The following INPP5A variants were observed in gnomAD, a reference collection of about 807,000 sequenced individuals.
INPP5A encodes the protein 43 kDa inositol polyphosphate 5-phophatase.
In INPP5A, 14 loss-of-function variants were observed where a neutral mutation model predicts 65.2. That is an observed-to-expected ratio of 0.21 (90% CI 0.14 to 0.34). The LOEUF is 0.34. INPP5A is among the 10% of genes least tolerant of loss of function. The pLI is 1.00. For synonymous variants in INPP5A, 207 were observed against 208.3 expected (o/e 0.99, Z 0.05); for missense variants, 431 against 545.6 (o/e 0.79, Z 2.09).
chr10:132,697,901 G>T lies in INPP5A; in HGVS notation c.456G>T (p.Pro152=), dbSNP rs146475540. 1.6e-5 allele frequency: 25 copies of T among 1,610,994 alleles called. No homozygotes were observed. Among genetic ancestry groups the T allele is most frequent in the South Asian group, 3.3e-5 (3 of 90,950 alleles). Residue 152 remains proline (P), a synonymous_variant, in exon 6 of 16, where the codon CCG becomes CCT. Coordinates refer to ENST00000368594, the MANE Select transcript of INPP5A (RefSeq NM_005539.5). The surrounding 1 kb of genome is among the most constrained non-coding windows in gnomAD (Gnocchi z 5.6). The stretch of plus-strand genomic sequence containing the variant: ...CCATGCTGGAGAAGGAGAAGTTTCC[G>T]CAGGACTACTTCCCCGAGGTACGTA... ...STPMLEKEKF[P]QDYFPECKWS... is the part of the protein sequence containing the mutation.
At chr10:132,629,231 T>TG (rs1283165232) in intron 2 of INPP5A, among the ~76,000 whole-genome samples, 1 of 152,192 alleles carries the variant, frequency 6.6e-6, no homozygotes, top group African/African-American at 2.4e-5. Context: ...GCCTCAAACT[T>TG]GCTCTTGCCC....
In INPP5A at chr10:132,637,356, G is replaced by A. The variant is rs1049063781; in HGVS notation, c.118-8512G>A. ...ATAAGTGCGGGTCTTTTTCTGTTTT[G>A]AAGTTTTCCTGGGTTATAGTTTTAA... On this transcript the variant is annotated intron_variant, in intron 2 of 15. Transcript: ENST00000368594. The surrounding 1 kb of genome is among the most constrained non-coding windows in gnomAD (Gnocchi z 4.1). Among the ~76,000 whole-genome samples the A allele has an allele frequency of 6.6e-6, 1 of 152,046 alleles. No individual in the cohort carries two copies. The highest frequency in any genetic ancestry group is 6.6e-5 in the Admixed American group (1 of 15,254).
chr10:132,677,326 C>A (rs570635100), intron 4 of INPP5A, among the ~76,000 whole-genome samples: 1 of 152,396 alleles, frequency 6.6e-6, no homozygotes, highest in Non-Finnish European at 1.5e-5. Context: ...CCCCTCACCA[C>A]GCTGCCGTCT....
intron 12 of INPP5A, among the ~76,000 whole-genome samples, chr10:132,775,407 C>T (rs917104305): frequency 3.3e-5 from 5 of 152,080 alleles, no homozygotes; most frequent in Admixed American, 6.5e-5. Context: ...TGCTGGGCAG[C>T]GTCCAGGCCC....
chr10:132,680,985 C>T (rs546210054), intron 4 of INPP5A, among the ~76,000 whole-genome samples: 174 of 152,366 alleles, frequency 1.1e-3, no homozygotes, highest in African/African-American at 3.9e-3. Flanking sequence ...GAGCTCCGCC[C>T]CCTGCTCCAG....
At chr10:132,629,979 G>C (rs2072242977) in intron 2 of INPP5A, among the ~76,000 whole-genome samples, 1 of 151,932 alleles carries the variant, frequency 6.6e-6, no homozygotes, top group Admixed American at 6.6e-5. Context: ...CGTTCTTGAG[G>C]GAACGTCATC....
In INPP5A at chr10:132,546,592, C is replaced by T. The variant is rs1226392409; in HGVS notation, c.75+8421C>T. Among the ~76,000 whole-genome samples, 2 of 152,188 alleles carry T rather than the reference C, an allele frequency of 1.3e-5. No individual in the cohort carries two copies. The highest frequency in any genetic ancestry group is 2.9e-5 in the Non-Finnish European group (2 of 68,014). On this transcript the variant is annotated intron_variant, in intron 1 of 15. Coordinates refer to ENST00000368594, the MANE Select transcript of INPP5A (RefSeq NM_005539.5). This position sits in a 1 kb window ranked among gnomAD's most constrained non-coding sequence, Gnocchi z 5.7. ...GGGCTTAGTAGGGCTGCCTCGGCTG[C>T]TGGGGCAGCTTTCCCCGGCCCCTTC...
chr10:132,779,497 CT>C (rs1210269814), intron 13 of INPP5A, among the ~76,000 whole-genome samples: 6 of 152,276 alleles, frequency 3.9e-5, no homozygotes, highest in Non-Finnish European at 4.4e-5. Flanking sequence ...TGTGCTGCCG[CT>C]GCCAGGGCTC....
chr10:132,726,926 C>A, intron 9 of INPP5A, 21 bp downstream of exon 9: 3 of 1,561,568 alleles, frequency 1.9e-6, no homozygotes, highest in East Asian at 2.3e-5. Flanking sequence ...GCTTCCCTCC[C>A]GCCCTGGTCT....
rs750687305 is a variant in INPP5A at position 132,706,892 on chromosome 10, G to A, written c.475-1421G>A. Among the ~76,000 whole-genome samples the A allele has an allele frequency of 4.6e-5, 7 of 152,218 alleles. No homozygotes were observed. The highest frequency in any genetic ancestry group is 1.9e-4 in the East Asian group (1 of 5,192). On this transcript the variant is annotated intron_variant, in intron 6 of 15. Coordinates refer to ENST00000368594, the MANE Select transcript of INPP5A (RefSeq NM_005539.5). The surrounding 1 kb of genome is among the most constrained non-coding windows in gnomAD (Gnocchi z 4.7). The stretch of plus-strand genomic sequence containing the variant: ...GCCAGGTGCCGCCAACAGGCCAGGC[G>A]AGATGAAGGGCGAGTGTCTGTAGGA...
intron 8 of INPP5A, among the ~76,000 whole-genome samples, chr10:132,723,194 C>T (rs995833233): frequency 5.3e-5 from 8 of 152,222 alleles, no homozygotes; most frequent in Non-Finnish European, 7.3e-5. Flanking sequence ...CCTGGTGCGT[C>T]GCCTGGCGGC....
At position 132,616,025 on chromosome 10, in the gene INPP5A, T is replaced by C. The variant is rs2072027534; in HGVS notation, c.117+8069T>C. ...TAGTGGTGATGGGCTTCACCCTCTG[T>C]AGCTGCCGGTTCCGGGTCCTGTGGG... On this transcript the variant is annotated intron_variant, in intron 2 of 15. Transcript: ENST00000368594. The surrounding 1 kb of genome is among the most constrained non-coding windows in gnomAD (Gnocchi z 4.9). Among the ~76,000 whole-genome samples, 1 of 152,168 alleles carries C rather than the reference T, an allele frequency of 6.6e-6. No individual in the cohort carries two copies. The highest frequency in any genetic ancestry group is 6.5e-5 in the Admixed American group (1 of 15,286).
In INPP5A at chr10:132,676,081, G is replaced by T. The variant is rs895188652; in HGVS notation, c.307-14311G>T. ...GATTTACTTGTATAATCATTTATAC[G>T]TAGAAAAATATAACAAATTTCATAA... On this transcript the variant is annotated intron_variant, in intron 4 of 15. Transcript: ENST00000368594. The surrounding 1 kb of genome is among the most constrained non-coding windows in gnomAD (Gnocchi z 4.0). 5.3e-5 allele frequency among the ~76,000 whole-genome samples: 8 copies of T among 152,086 alleles called. No homozygotes were observed. Among genetic ancestry groups the T allele is most frequent in the Admixed American group, 2.0e-4 (3 of 15,276 alleles).
chr10:132,562,882 G>A (rs978587381), intron 1 of INPP5A, among the ~76,000 whole-genome samples: 16 of 152,152 alleles, frequency 1.1e-4, no homozygotes, highest in African/African-American at 3.6e-4. Context: ...GGGCGGTGGT[G>A]CCCTCCTTCC....
chr10:132,720,052 C>G (rs1845836239), intron 8 of INPP5A, among the ~76,000 whole-genome samples: 1 of 150,238 alleles, frequency 6.7e-6, no homozygotes, highest in Admixed American at 6.6e-5. Context: ...CTTGTGGGTT[C>G]TGTGGTACCT....
intron 3 of INPP5A, among the ~76,000 whole-genome samples, chr10:132,649,877 C>T (rs1204483821): frequency 3.9e-5 from 6 of 152,124 alleles, no homozygotes; most frequent in Admixed American, 6.5e-5. Context: ...GATGAACGGT[C>T]GGGGACAATG....
intron 1 of INPP5A, among the ~76,000 whole-genome samples, chr10:132,556,757 T>G (rs1327861835): frequency 1.3e-5 from 2 of 151,772 alleles, no homozygotes; most frequent in Non-Finnish European, 2.9e-5. Flanking sequence ...CCTTGGTTAC[T>G]TGTATTATCA....
intron 4 of INPP5A, among the ~76,000 whole-genome samples, chr10:132,684,168 C>T (rs1259186117): frequency 1.3e-5 from 2 of 152,174 alleles, no homozygotes; most frequent in African/African-American, 4.8e-5. Flanking sequence ...GGATGTAACT[C>T]TGATCTGTGT....
rs141407422 is a variant in INPP5A, at chr10:132,645,837, C to T, written c.118-31C>T. On this transcript the variant is annotated intron_variant, in intron 2 of 15. Transcript: ENST00000368594. ...CGTGTGGCTCTGTGGACGGCTCCGACGACCCTGACAGTGTGCTTCTCTCCC... is the reference window on the plus strand; with the variant it reads ...CGTGTGGCTCTGTGGACGGCTCCGATGACCCTGACAGTGTGCTTCTCTCCC... 1.0e-3 allele frequency: 1,597 copies of T among 1,555,878 alleles called. 2 individuals carry two copies. The highest frequency in any genetic ancestry group is 1.5e-3 in the Admixed American group (89 of 58,090).
Sources: allele counts gnomAD v4.1 joint callset (sites outside exome capture counted in the v4.1 genomes callset), GRCh38; gene constraint gnomAD v4.1.1; non-coding constraint Gnocchi (gnomAD v3.1); transcripts MANE v1.5; gene names NCBI Gene and HGNC (gene_info 2026-07-23, HGNC 2026-07-21).